The following EXOC6B variants were observed in gnomAD, a reference collection of about 807,000 sequenced individuals.
The protein encoded by EXOC6B is exocyst complex component 6B, also known as SEC15 homolog B.
A neutral mutation model predicts 113.5 loss-of-function variants in EXOC6B; 54 were observed. The observed-to-expected ratio is 0.48, with a 90% CI of 0.38 to 0.60. EXOC6B has a LOEUF of 0.60. Among genes scored for constraint, EXOC6B ranks in the 20% least tolerant of loss-of-function variants. The pLI is 0.00. For synonymous variants in EXOC6B, 357 were observed against 339.0 expected, an observed-to-expected ratio of 1.05 and a Z score of -0.58; for missense variants, 797 against 977.5, an observed-to-expected ratio of 0.82 and a Z score of 2.46.
intron 20 of EXOC6B, among the ~76,000 whole-genome samples, chr2:72,194,593 CTCTCTG>C (rs1372378036): frequency 2.0e-5 from 3 of 151,840 alleles, no homozygotes; most frequent in African/African-American, 7.3e-5. Context: ...CTCTCTCTCT[CTCTCTG>C]TGTGTGTGTG....
intron 20 of EXOC6B, among the ~76,000 whole-genome samples, chr2:72,301,912 T>C (rs1686557428): frequency 6.6e-6 from 1 of 152,176 alleles, no homozygotes; most frequent in Non-Finnish European, 1.5e-5. Flanking sequence ...GATTCTTTAG[T>C]TCTTTTAGTT....
intron 18 of EXOC6B, chr2:72,462,256 T>C (rs899890937): frequency 6.6e-5 from 10 of 152,142 alleles, no homozygotes; most frequent in Non-Finnish European, 5.9e-5. Flanking sequence ...CTATATTTTC[T>C]ATGTGGGCAT....
intron 8 of EXOC6B, among the ~76,000 whole-genome samples, chr2:72,517,896 T>C (rs1701295145): frequency 6.6e-6 from 1 of 152,226 alleles, no homozygotes; most frequent in Non-Finnish European, 1.5e-5. Flanking sequence ...GTAGCTTTGC[T>C]TTTCAAGTAT....
chr2:72,768,422 G>C (rs141408516), intron 1 of EXOC6B, among the ~76,000 whole-genome samples: 1 of 151,488 alleles, frequency 6.6e-6, no homozygotes, highest in African/African-American at 2.4e-5. Context: ...CTCCCGAGTA[G>C]CTGGGATTAC....
intron 19 of EXOC6B, among the ~76,000 whole-genome samples, chr2:72,371,106 T>A (rs1690987343): frequency 6.6e-6 from 1 of 151,408 alleles, no homozygotes; most frequent in African/African-American, 2.4e-5. Context: ...GGATACCAGT[T>A]CAGCCACAGT....
chr2:72,560,961 T>C (rs1178166433), intron 7 of EXOC6B, among the ~76,000 whole-genome samples: 1 of 152,070 alleles, frequency 6.6e-6, no homozygotes, highest in East Asian at 1.9e-4. Context: ...ATAAAAATTG[T>C]ATGAGTGCAA....
chr2:72,358,166 C>T (rs1225008680), intron 19 of EXOC6B, among the ~76,000 whole-genome samples: 1 of 152,064 alleles, frequency 6.6e-6, no homozygotes, highest in Non-Finnish European at 1.5e-5. Flanking sequence ...CTAATAATTA[C>T]AATATGTATT....
chr2:72,757,511 T>C (rs906459799), intron 1 of EXOC6B, among the ~76,000 whole-genome samples: 2 of 152,224 alleles, frequency 1.3e-5, no homozygotes, highest in Non-Finnish European at 2.9e-5. Flanking sequence ...TGCCAACCCC[T>C]GCAATGTGTC....
chr2:72,189,796 CCTT>C (rs1572968348), intron 20 of EXOC6B, among the ~76,000 whole-genome samples: 1 of 141,242 alleles, frequency 7.1e-6, no homozygotes, highest in Admixed American at 7.3e-5. Context: ...TCCTTTCCTT[CCTT>C]CTTTCTCTTT....
intron 17 of EXOC6B, among the ~76,000 whole-genome samples, chr2:72,467,378 G>A (rs1698121306): frequency 6.6e-6 from 1 of 152,124 alleles, no homozygotes; most frequent in African/African-American, 2.4e-5. Context: ...ACATATGATA[G>A]TTCTATTTTT....
chr2:72,713,581 C>T (rs919178028), intron 6 of EXOC6B, among the ~76,000 whole-genome samples: 6 of 151,756 alleles, frequency 4.0e-5, no homozygotes, highest in African/African-American at 9.7e-5. Context: ...ATCCCTCCCC[C>T]GTCCCCCCAC....
At chr2:72,480,345 G>C (rs551550909) in intron 17 of EXOC6B, among the ~76,000 whole-genome samples, 2 of 152,106 alleles carry the variant, frequency 1.3e-5, no homozygotes, top group Non-Finnish European at 2.9e-5. Flanking sequence ...TTCAACTTAG[G>C]AAATAGTGAT....
chr2:72,701,039 A>G (rs1417445306), intron 6 of EXOC6B, among the ~76,000 whole-genome samples: 1 of 152,144 alleles, frequency 6.6e-6, no homozygotes, highest in Non-Finnish European at 1.5e-5. Flanking sequence ...TCACTGGAGG[A>G]GAATCAAGAT....
chr2:72,486,381 AG>A (rs1285743084), intron 16 of EXOC6B, among the ~76,000 whole-genome samples: 3 of 152,012 alleles, frequency 2.0e-5, no homozygotes, highest in Non-Finnish European at 2.9e-5. Context: ...AAAAAAAAAA[AG>A]AAAAAGAAAA....
chr2:72,492,433 A>G lies in EXOC6B; in HGVS notation c.1554-4T>C, dbSNP rs747173331. Reference sequence around the variant, plus strand: ...CATGTCATCAACTTCAGTTGAGCTGAAAAAGAAGCATTAAGAGTCAGTCAT... The same window carrying G: ...CATGTCATCAACTTCAGTTGAGCTGGAAAAGAAGCATTAAGAGTCAGTCAT... On this transcript the variant is annotated splice_polypyrimidine_tract_variant and splice_region_variant and intron_variant, in intron 15 of 21. Coordinates refer to ENST00000272427, the MANE Select transcript of EXOC6B (RefSeq NM_015189.3). 3 of 1,601,138 alleles carry G rather than the reference A, an allele frequency of 1.9e-6. No homozygotes were observed. The highest frequency in any genetic ancestry group is 1.7e-5 in the Admixed American group (1 of 59,950).
chr2:72,489,301 T>C (rs1029644558), intron 16 of EXOC6B, among the ~76,000 whole-genome samples: 5 of 152,214 alleles, frequency 3.3e-5, no homozygotes, highest in Non-Finnish European at 7.3e-5. Context: ...GTTGTTGTTA[T>C]TGTTCACTGA....
chr2:72,489,084 G>A (rs1398731899), intron 16 of EXOC6B, among the ~76,000 whole-genome samples: 1 of 151,990 alleles, frequency 6.6e-6, no homozygotes, highest in Non-Finnish European at 1.5e-5. Flanking sequence ...AATTTCTCCT[G>A]CAATAATAAC....
Position 72,825,992 on chromosome 2 carries a change from G to A in EXOC6B, c.-82C>T. 14 of 1,547,702 alleles carry A rather than the reference G, an allele frequency of 9.0e-6. No individual in the cohort carries two copies. Among genetic ancestry groups the A allele is most frequent in the African/African-American group, 1.4e-5 (1 of 73,564 alleles). Reference sequence around the variant, plus strand: ...GCCCCACAATGCCGCTCCCACCACAGGCTCCACAGCCGCCCCAGCCTCTGG... The same window carrying A: ...GCCCCACAATGCCGCTCCCACCACAAGCTCCACAGCCGCCCCAGCCTCTGG... On this transcript the variant is annotated 5_prime_UTR_variant, in exon 1 of 22. Coordinates refer to ENST00000272427, the MANE Select transcript of EXOC6B (RefSeq NM_015189.3). This position sits in a 1 kb window ranked among gnomAD's most constrained non-coding sequence, Gnocchi z 4.4.
At chr2:72,206,754 G>A (rs1350883076) in intron 20 of EXOC6B, among the ~76,000 whole-genome samples, 1 of 152,160 alleles carries the variant, frequency 6.6e-6, no homozygotes, top group African/African-American at 2.4e-5. Flanking sequence ...AAAGAGAGTT[G>A]TTCATTAGTG....
Sources: allele counts gnomAD v4.1 joint callset (sites outside exome capture counted in the v4.1 genomes callset), GRCh38; gene constraint gnomAD v4.1.1; non-coding constraint Gnocchi (gnomAD v3.1); transcripts MANE v1.5; gene names NCBI Gene and HGNC (gene_info 2026-07-23, HGNC 2026-07-21).